Variants in ACACB observed in about 807,000 individuals in gnomAD.
ACACB encodes the protein acetyl-CoA carboxylase 2.
ACACB carries 209 observed loss-of-function variants against 278.8 expected under a neutral mutation model. The observed-to-expected ratio is 0.75, with a 90% CI of 0.67 to 0.84. The LOEUF is 0.84. Ranked by LOEUF, ACACB falls within the 40% of genes least tolerant of loss-of-function variation. The pLI, the probability that ACACB is intolerant of heterozygous loss-of-function variation, is 0.00. For missense variants in ACACB, 2,850 were observed against 3,269.0 expected, an observed-to-expected ratio of 0.87 and a Z score of 3.13; for synonymous variants, 1,174 against 1,285.6, an observed-to-expected ratio of 0.91 and a Z score of 1.86.
upstream of ACACB, among the ~76,000 whole-genome samples, chr12:109,112,305 T>C (rs1380121294): frequency 6.7e-6 from 1 of 148,156 alleles, no homozygotes; most frequent in African/African-American, 2.6e-5. Context: ...TCAATATATA[T>C]GTGTATATAT....
intron 7 of ACACB, among the ~76,000 whole-genome samples, chr12:109,174,882 C>G (rs2044235670): frequency 6.6e-6 from 1 of 151,966 alleles, no homozygotes; most frequent in African/African-American, 2.4e-5. Flanking sequence ...AAACAACAAC[C>G]CATCTTACAT....
rs528491614 is a variant in ACACB at position 109,150,567 on chromosome 12, A to C, written c.653+10509A>C. Among the ~76,000 whole-genome samples the C allele has an allele frequency of 2.0e-5, 3 of 152,334 alleles. No individual in the cohort carries two copies. In the East Asian group the frequency reaches 5.8e-4, roughly 29 times the overall value. On this transcript the variant is annotated intron_variant, in intron 2 of 52. Coordinates refer to ENST00000338432, the MANE Select transcript of ACACB (RefSeq NM_001093.4). Reference sequence around the variant, plus strand: ...TTTAGCAAGGCAGACCTTGGATCCCAGGAAGGCAAATGAGGCTCTGTGGGG... The same window carrying C: ...TTTAGCAAGGCAGACCTTGGATCCCCGGAAGGCAAATGAGGCTCTGTGGGG...
chr12:109,241,386 T>C, intron 36 of ACACB, 105 bp downstream of exon 36: 1 of 1,154,422 alleles, frequency 8.7e-7, no homozygotes, highest in Non-Finnish European at 1.3e-6. Context: ...CTTGCCTTGC[T>C]CTCCCATGTC....
At position 109,160,633 on chromosome 12, in the gene ACACB, A is replaced by G. The variant is rs977166886; in HGVS notation, c.654-6228A>G. ...TAAGGACAGGGCTTCTCACTGGACA[A>G]TGGCACTTAGGATGATCCTCCTTCA... is the stretch of plus-strand genomic sequence containing the variant. On this transcript the variant is annotated intron_variant, in intron 2 of 52. Coordinates refer to ENST00000338432, the MANE Select transcript of ACACB (RefSeq NM_001093.4). Among the ~76,000 whole-genome samples the G allele has an allele frequency of 6.6e-5, 10 of 152,356 alleles. No homozygotes were observed. In the East Asian group the frequency reaches 1.5e-3, roughly 23 times the overall value.
Position 109,234,912 on chromosome 12 carries a change from G to GT in ACACB, c.4348-390dup, listed in dbSNP as rs1028350074. The stretch of plus-strand genomic sequence containing the variant: ...CCTGCACGTTCTGCACATGTATCCT[G>GT]TTTTTTTTTTTAGAAGAAATAAGAA... On this transcript the variant is annotated intron_variant, in intron 31 of 52. Transcript: ENST00000338432. Among the ~76,000 whole-genome samples, 401 of 142,000 alleles carry GT rather than the reference G, an allele frequency of 2.8e-3. 1 individual carries two copies. Among genetic ancestry groups the GT allele is most frequent in the African/African-American group, 5.8e-3 (225 of 38,680 alleles). The allele number at this position is 142,000 out of a possible 152,430, so 93.2% of individuals were successfully genotyped here. A position where few individuals can be genotyped will look rare whatever the true frequency, so the allele number is the denominator to read the frequency against.
chr12:109,265,164 C>T lies in ACACB; in HGVS notation c.6997C>T (p.Leu2333Phe). 3 of 1,613,906 alleles carry T rather than the reference C, an allele frequency of 1.9e-6. No homozygotes were observed. The highest frequency in any genetic ancestry group is 2.5e-6 in the Non-Finnish European group (3 of 1,179,988). ...RTFLYWRLRR[L>F]LLEDQVKQEI... ...CTTCCTGTATTGGCGTCTGCGCCGC[C>T]TCCTCCTGGAGGACCAGGTCAAGCA... The change falls in exon 51 of 53, where the codon CTC becomes TTC. Residue 2333 changes from leucine (L) to phenylalanine (F), a missense_variant. By Grantham distance (22) the Leu-to-Phe change is conservative. Coordinates refer to ENST00000338432, the MANE Select transcript of ACACB (RefSeq NM_001093.4).
chr12:109,247,414 T>G (rs1035915609), intron 39 of ACACB, among the ~76,000 whole-genome samples, 192 bp from the exon 40 acceptor site: 1 of 152,096 alleles, frequency 6.6e-6, no homozygotes, highest in Non-Finnish European at 1.5e-5. Flanking sequence ...AGAGGAGAGC[T>G]TAGCTCAAAG....
intron 17 of ACACB, among the ~76,000 whole-genome samples, chr12:109,198,488 A>G (rs1335778768): frequency 6.6e-6 from 1 of 152,100 alleles, no homozygotes; most frequent in Non-Finnish European, 1.5e-5. Context: ...GCTTGAGTCC[A>G]GAAGTTTGAG....
At chr12:109,130,802 C>G (rs186411373) in intron 1 of ACACB, among the ~76,000 whole-genome samples, 1 of 152,266 alleles carries the variant, frequency 6.6e-6, no homozygotes, top group East Asian at 1.9e-4. Flanking sequence ...CTGACCACCC[C>G]CTCTTTGTCC....
At chr12:109,222,054 A>C (rs2046181820) in intron 24 of ACACB, among the ~76,000 whole-genome samples, 1 of 150,804 alleles carries the variant, frequency 6.6e-6, no homozygotes, top group Non-Finnish European at 1.5e-5. Flanking sequence ...TGCCCGGCTA[A>C]TTTTTCTATT....
chr12:109,260,715 C>T, intron 48 of ACACB, 58 bp downstream of exon 48: 4 of 1,474,954 alleles, frequency 2.7e-6, no homozygotes, highest in African/African-American at 1.4e-5. Flanking sequence ...GCCTTGAGAG[C>T]CCATGACCTT....
chr12:109,137,899 CT>C (rs199706198), intron 1 of ACACB, among the ~76,000 whole-genome samples: 80 of 145,236 alleles, frequency 5.5e-4, no homozygotes, highest in Middle Eastern at 3.4e-3. Flanking sequence ...TTTTCTTTTT[CT>C]TTTTTTTTTT....
intron 45 of ACACB, among the ~76,000 whole-genome samples, chr12:109,256,983 T>C (rs1397116532): frequency 2.0e-5 from 3 of 152,170 alleles, no homozygotes; most frequent in Non-Finnish European, 2.9e-5. Flanking sequence ...AATACTAAAG[T>C]GCAGCCAGGG....
chr12:109,222,691 C>T (rs1565942439), intron 25 of ACACB, 71 bp downstream of exon 25: 15 of 1,519,404 alleles, frequency 9.9e-6, no homozygotes, highest in East Asian at 6.8e-5. Context: ...CTACCGTGCT[C>T]AGCCCTCACC....
intron 22 of ACACB, 70 bp from the exon 23 acceptor site, chr12:109,216,548 A>G: frequency 6.7e-7 from 1 of 1,493,648 alleles, no homozygotes. Context: ...AAATCATAAA[A>G]AAAAATACTA....
chr12:109,167,655 T>TATATATATATATATATATATA (rs1438380921), intron 3 of ACACB, among the ~76,000 whole-genome samples: 2 of 66,502 alleles, frequency 3.0e-5, no homozygotes, highest in Admixed American at 2.7e-4. Context: ...ATATATATAT[T>TATATATATATATATATATATA]TCAGACAAAC....
At chr12:109,132,898 C>T (rs957431735) in intron 1 of ACACB, among the ~76,000 whole-genome samples, 2 of 152,152 alleles carry the variant, frequency 1.3e-5, no homozygotes, top group Non-Finnish European at 1.5e-5. Flanking sequence ...GGGAGAAGAG[C>T]TGGCCACTGC....
Position 109,222,574 on chromosome 12 carries a change from A to G in ACACB, c.3632A>G (p.Gln1211Arg), listed in dbSNP as rs758828359. Residue 1211 changes from glutamine to arginine, a missense_variant, in exon 25 of 53, where the codon CAG becomes CGG. Gln to Arg is a conservative substitution (Grantham distance 43, BLOSUM62 1). Coordinates refer to ENST00000338432, the MANE Select transcript of ACACB (RefSeq NM_001093.4). ...ATCTCCATCCTCAACGAGCTCACTCAGCTGAGCAAAAGCGAGCACTGCAAA... is the reference window on the plus strand; with the variant it reads ...ATCTCCATCCTCAACGAGCTCACTCGGCTGAGCAAAAGCGAGCACTGCAAA... ...ELISILNELT[Q>R]LSKSEHCKVA... 6.2e-7 allele frequency: 1 copy of G among 1,614,168 alleles called. No homozygotes were observed. The highest frequency in any genetic ancestry group is 2.2e-5 in the East Asian group (1 of 44,858).
At chr12:109,236,126 C>A in intron 33 of ACACB, 1 of 156,572 alleles carries the variant, frequency 6.4e-6, no homozygotes, top group Non-Finnish European at 1.4e-5. Flanking sequence ...GCCACCGTGC[C>A]TCCCAGCTCC....
Sources: gnomAD v4.1 joint callset for allele counts (sites outside exome capture counted in the v4.1 genomes callset) on GRCh38, gnomAD v4.1.1 for gene constraint, MANE v1.5 for transcripts, NCBI Gene and HGNC (gene_info 2026-07-23, HGNC 2026-07-21) for gene names.